The following ATG5 variants were observed in gnomAD, a reference collection of about 807,000 sequenced individuals.
The protein encoded by ATG5 is autophagy related 5, also known as autophagy protein 5.
In ATG5, 14 loss-of-function variants were observed where a neutral mutation model predicts 36.5. That is an observed-to-expected ratio of 0.38 (90% CI 0.25 to 0.60). The LOEUF (loss-of-function observed/expected upper bound fraction) is 0.60. Ranked by LOEUF, ATG5 falls within the 20% of genes least tolerant of loss-of-function variation. ATG5 has a pLI of 0.60. For missense variants in ATG5, 195 were observed against 326.7 expected (o/e 0.60, Z 3.11); for synonymous variants, 95 against 101.5 (o/e 0.94, Z 0.38).
intron 1 of ATG5, among the ~76,000 whole-genome samples, chr6:106,323,645 G>A (rs1229403197): frequency 6.6e-6 from 1 of 151,942 alleles, no homozygotes; most frequent in African/African-American, 2.4e-5. Context: ...TCGCACTACC[G>A]CCACTATTAC....
At chr6:106,243,402 C>T (rs1778200547) in intron 6 of ATG5, among the ~76,000 whole-genome samples, 1 of 151,674 alleles carries the variant, frequency 6.6e-6, no homozygotes, top group South Asian at 2.1e-4. Context: ...ATGGCACATG[C>T]CTGTAGTCCT....
chr6:106,222,165 G>A (rs568233115), intron 6 of ATG5, among the ~76,000 whole-genome samples: 5 of 152,306 alleles, frequency 3.3e-5, no homozygotes, highest in Middle Eastern at 3.4e-3. Context: ...GAGCCACTGC[G>A]TCTGGCCTAA....
intron 6 of ATG5, among the ~76,000 whole-genome samples, chr6:106,211,081 T>C (rs574937716): frequency 1.3e-5 from 2 of 152,354 alleles, no homozygotes; most frequent in East Asian, 3.9e-4. Flanking sequence ...ATTAGAAATG[T>C]TGGTTTATTA....
chr6:106,237,986 G>A (rs917985403), intron 6 of ATG5, among the ~76,000 whole-genome samples: 1 of 152,128 alleles, frequency 6.6e-6, no homozygotes, highest in Non-Finnish European at 1.5e-5. Context: ...TAACTTCATA[G>A]ACTGACCTTA....
chr6:106,212,678 T>C (rs534178611), intron 6 of ATG5, among the ~76,000 whole-genome samples: 86 of 152,304 alleles, frequency 5.6e-4, no homozygotes, highest in African/African-American at 1.7e-3. Context: ...AAAAACCCTA[T>C]TGGCAATTAC....
chr6:106,204,627 T>TTG, intron 6 of ATG5, among the ~76,000 whole-genome samples: 1 of 152,258 alleles, frequency 6.6e-6, no homozygotes, highest in Middle Eastern at 3.4e-3. Flanking sequence ...CATGTTGTTC[T>TTG]CGTGATACTG....
At chr6:106,193,066 C>T (rs1487908453) in intron 7 of ATG5, among the ~76,000 whole-genome samples, 1 of 152,182 alleles carries the variant, frequency 6.6e-6, no homozygotes, top group African/African-American at 2.4e-5. Context: ...GGCAATTAAT[C>T]TTGGACAGAA....
chr6:106,292,908 G>T lies in ATG5; in HGVS notation c.315+120C>A, dbSNP rs553446426. On this transcript the variant is annotated intron_variant, in intron 4 of 7. Transcript: ENST00000369076. ...ATAGACAAATACTAATCGAAGCTTA[G>T]CAACTAAAACAGTGTCAGGGGAAAA... 8.1e-6 allele frequency: 6 copies of T among 738,812 alleles called. No homozygotes were observed. In the East Asian group the frequency reaches 1.5e-4, roughly 19 times the overall value. 45.8% of individuals were successfully genotyped at this position (738,812 alleles called of 1,614,324 possible).
At chr6:106,314,041 G>GA (rs1400264107) in intron 2 of ATG5, among the ~76,000 whole-genome samples, 4 of 152,094 alleles carry the variant, frequency 2.6e-5, no homozygotes, top group African/African-American at 9.7e-5. Flanking sequence ...AAGAATTCAA[G>GA]AAAAAACCAA....
At chr6:106,321,091 T>C (rs1469968244) in intron 1 of ATG5, among the ~76,000 whole-genome samples, 1 of 152,204 alleles carries the variant, frequency 6.6e-6, no homozygotes, top group African/African-American at 2.4e-5. Context: ...TTAAGGGGCT[T>C]TGAAATCAGA....
Position 106,227,642 on chromosome 6 carries a change from T to C in ATG5, c.573+20508A>G, listed in dbSNP as rs534577044. On this transcript the variant is annotated intron_variant, in intron 6 of 7. Transcript: ENST00000369076. The stretch of plus-strand genomic sequence containing the variant: ...TGCAGAAAAACTGCACTTCAAGAAA[T>C]GATCAGTACCTTGAAGCTCTGAAGG... Among the ~76,000 whole-genome samples the C allele has an allele frequency of 1.2e-4, 18 of 152,288 alleles. 2 individuals are homozygous for C. Among genetic ancestry groups the C allele is most frequent in the Admixed American group, 7.8e-4 (12 of 15,296 alleles).
intron 2 of ATG5, among the ~76,000 whole-genome samples, chr6:106,312,361 A>G (rs1397215302): frequency 6.6e-6 from 1 of 152,036 alleles, no homozygotes; most frequent in Admixed American, 6.6e-5. Context: ...TTTTGGGGGG[A>G]AAGCTGATGA....
intron 1 of ATG5, chr6:106,325,260 A>G (rs2114698457): frequency 6.6e-6 from 1 of 152,056 alleles, no homozygotes; most frequent in South Asian, 2.1e-4. Flanking sequence ...CTGCGACTAG[A>G]CTCTCGCTTT....
intron 5 of ATG5, among the ~76,000 whole-genome samples, chr6:106,261,585 T>C (rs1328328679): frequency 6.6e-6 from 1 of 152,200 alleles, no homozygotes; most frequent in African/African-American, 2.4e-5. Flanking sequence ...AGAACAGAAC[T>C]TGGAATGAGT....
At chr6:106,315,713 CTAT>C (rs1375749769) in intron 2 of ATG5, among the ~76,000 whole-genome samples, 2 of 151,956 alleles carry the variant, frequency 1.3e-5, no homozygotes. Flanking sequence ...CAATCTGAAC[CTAT>C]TATTTTCAAT....
chr6:106,233,593 C>T (rs146208125), intron 6 of ATG5, among the ~76,000 whole-genome samples: 34 of 152,248 alleles, frequency 2.2e-4, no homozygotes, highest in Non-Finnish European at 4.0e-4. Context: ...AAAGGGTTGG[C>T]CTCATTGTTT....
chr6:106,243,573 G>T (rs1778209972), intron 6 of ATG5, among the ~76,000 whole-genome samples: 1 of 147,936 alleles, frequency 6.8e-6, no homozygotes, highest in South Asian at 2.1e-4. Context: ...GCTCACACTT[G>T]TAATTCCAGC....
intron 4 of ATG5, among the ~76,000 whole-genome samples, chr6:106,287,073 A>G (rs1164468502): frequency 2.0e-5 from 3 of 152,228 alleles, no homozygotes; most frequent in Non-Finnish European, 4.4e-5. Context: ...ACAACATACT[A>G]TTGATAGATA....
chr6:106,297,233 T>C (rs920285908), intron 3 of ATG5, among the ~76,000 whole-genome samples: 3 of 152,196 alleles, frequency 2.0e-5, no homozygotes, highest in Non-Finnish European at 4.4e-5. Context: ...TAAAAGAACA[T>C]GTGACAATAT....
Sources: allele counts gnomAD v4.1 joint callset (sites outside exome capture counted in the v4.1 genomes callset), GRCh38; gene constraint gnomAD v4.1.1; transcripts MANE v1.5; gene names NCBI Gene and HGNC (gene_info 2026-07-23, HGNC 2026-07-21).